Variants in NPEPPS observed in about 807,000 individuals in gnomAD.
NPEPPS encodes aminopeptidase puromycin sensitive, also known as puromycin-sensitive aminopeptidase.
NPEPPS carries 14 observed loss-of-function variants against 115.5 expected under a neutral mutation model. That is an observed-to-expected ratio of 0.12 (90% CI 0.08 to 0.19). NPEPPS has a LOEUF of 0.19. Among genes scored for constraint, NPEPPS ranks in the 10% least tolerant of loss-of-function variants. The probability of loss-of-function intolerance (pLI) is 1.00; values close to 1 mark genes in which losing one functional copy is unlikely to be tolerated. For missense variants in NPEPPS, 523 were observed against 1,110.8 expected (o/e 0.47, Z 7.52); for synonymous variants, 285 against 390.6 (o/e 0.73, Z 3.19).
chr17:47,525,125 A>G (rs1174671787), intron 1 of NPEPPS, among the ~76,000 whole-genome samples: 1 of 152,002 alleles, frequency 6.6e-6, no homozygotes, highest in Non-Finnish European at 1.5e-5. Flanking sequence ...AGAAGCCTGT[A>G]TGGAGCATAT....
At position 47,534,713 on chromosome 17, in the gene NPEPPS, T is replaced by C. The variant is rs1341561151; in HGVS notation, c.255+3158T>C. 2.0e-5 allele frequency among the ~76,000 whole-genome samples: 3 copies of C among 151,832 alleles called. No homozygotes were observed. The East Asian group carries it at 5.9e-4, about 30-fold the overall frequency. On this transcript the variant is annotated intron_variant, in intron 1 of 22. Coordinates refer to ENST00000322157, the MANE Select transcript of NPEPPS (RefSeq NM_006310.4). ...CCTCCTGGGTAGCTGGGACTACAGG[T>C]GTGTGCCATCACGCCCAACTAATTT...
chr17:47,555,306 A>G (rs1478609487), intron 2 of NPEPPS, among the ~76,000 whole-genome samples: 2 of 151,350 alleles, frequency 1.3e-5, no homozygotes, highest in Non-Finnish European at 1.5e-5. Flanking sequence ...TAGAGAAAAC[A>G]CTGATTGCAT....
intron 1 of NPEPPS, among the ~76,000 whole-genome samples, chr17:47,542,430 C>T (rs1908831242): frequency 6.6e-6 from 1 of 151,842 alleles, no homozygotes; most frequent in Non-Finnish European, 1.5e-5. Context: ...CCTGTAATCC[C>T]AGCTACTAGG....
Position 47,621,887 on chromosome 17 carries a change from C to T in NPEPPS, c.2727C>T (p.Leu909=). The T allele has an allele frequency of 1.2e-6, 2 of 1,613,520 alleles. No homozygotes were observed. The highest frequency in any genetic ancestry group is 8.5e-7 in the Non-Finnish European group (1 of 1,179,648). The part of the protein sequence containing the change: ...KRDAESIHQY[L]LQRKASPPTV Reference sequence around the variant, plus strand: ...ATGCTGAGAGCATCCACCAGTACCTCCTTCAGCGGAAGGCCTCACCACCCA... The same window carrying T: ...ATGCTGAGAGCATCCACCAGTACCTTCTTCAGCGGAAGGCCTCACCACCCA... Residue 909 remains leucine (L), a synonymous_variant, in exon 23 of 23, where the codon CTC becomes CTT. Coordinates refer to ENST00000322157, the MANE Select transcript of NPEPPS (RefSeq NM_006310.4).
At chr17:47,599,440 G>A (rs1274492444) in intron 13 of NPEPPS, among the ~76,000 whole-genome samples, 6 of 152,162 alleles carry the variant, frequency 3.9e-5, no homozygotes, top group Non-Finnish European at 8.8e-5. Flanking sequence ...GCATATTGTT[G>A]AAGTATTTTG....
upstream of NPEPPS, among the ~76,000 whole-genome samples, chr17:47,530,600 G>A (rs1351345649): frequency 6.7e-6 from 1 of 149,492 alleles, no homozygotes; most frequent in Non-Finnish European, 1.5e-5. Context: ...CTCGTGATCC[G>A]CCCGCCTCGG....
chr17:47,562,785 T>TAAAAAAAAA (rs3065310), intron 2 of NPEPPS, among the ~76,000 whole-genome samples: 1 of 146,354 alleles, frequency 6.8e-6, no homozygotes, highest in Non-Finnish European at 1.5e-5. Context: ...TAGTTAATTG[T>TAAAAAAAAA]AAAAAAAAAA....
At chr17:47,531,874 C>T (rs905037534) in intron 1 of NPEPPS, among the ~76,000 whole-genome samples, 1 of 152,174 alleles carries the variant, frequency 6.6e-6, no homozygotes, top group South Asian at 2.1e-4. Context: ...CTTTCCCCCC[C>T]GCCCCGGACC....
chr17:47,561,608 G>A (rs1268598441), intron 2 of NPEPPS, among the ~76,000 whole-genome samples: 2 of 152,116 alleles, frequency 1.3e-5, no homozygotes, highest in Non-Finnish European at 2.9e-5. Flanking sequence ...CTCAGAAGCA[G>A]GCTTCAGAAA....
At chr17:47,525,417 C>T (rs1907392638) in intron 1 of NPEPPS, among the ~76,000 whole-genome samples, 2 of 152,302 alleles carry the variant, frequency 1.3e-5, no homozygotes, top group Admixed American at 6.5e-5. Flanking sequence ...GATCTTGGCT[C>T]ACTGCAACCT....
chr17:47,557,670 G>T (rs1910140473), intron 2 of NPEPPS, among the ~76,000 whole-genome samples: 1 of 148,708 alleles, frequency 6.7e-6, no homozygotes, highest in African/African-American at 2.4e-5. Flanking sequence ...TGTTTGTTTT[G>T]GGGGAAATTC....
chr17:47,561,284 A>G (rs1328858589), intron 2 of NPEPPS, among the ~76,000 whole-genome samples: 1 of 149,700 alleles, frequency 6.7e-6, no homozygotes, highest in Non-Finnish European at 1.5e-5. Flanking sequence ...AGGCCGAGGC[A>G]CGAGGATTGC....
chr17:47,605,666 C>G lies in NPEPPS; in HGVS notation c.2095+114C>G, dbSNP rs904024683. 5 of 707,918 alleles carry G rather than the reference C, an allele frequency of 7.1e-6. No homozygotes were observed. In the South Asian group the frequency reaches 7.7e-5, roughly 11 times the overall value. The allele number at this position is 707,918 out of a possible 1,614,324, so 43.9% of individuals were successfully genotyped here. On this transcript the variant is annotated intron_variant, in intron 17 of 22. Coordinates refer to ENST00000322157, the MANE Select transcript of NPEPPS (RefSeq NM_006310.4). ...CTACTGGATGTTACTATATATTCAG[C>G]AAGCCAGAAATTAAGACGTGAGTCT...
intron 19 of NPEPPS, among the ~76,000 whole-genome samples, chr17:47,615,286 C>G (rs553884693): frequency 2.6e-5 from 4 of 152,116 alleles, no homozygotes; most frequent in Non-Finnish European, 4.4e-5. Flanking sequence ...CCATATTGGC[C>G]AGGCAGGCCT....
intron 5 of NPEPPS, among the ~76,000 whole-genome samples, chr17:47,585,242 T>C (rs1912115707): frequency 6.6e-6 from 1 of 152,214 alleles, no homozygotes; most frequent in Non-Finnish European, 1.5e-5. Context: ...TTGAGAAAAG[T>C]CCATTCCTCT....
chr17:47,588,165 T>G (rs1912301306), intron 9 of NPEPPS, among the ~76,000 whole-genome samples: 1 of 152,272 alleles, frequency 6.6e-6, no homozygotes, highest in Admixed American at 6.5e-5. Context: ...TTATCAACTA[T>G]TACGTGTCTC....
Position 47,614,158 on chromosome 17 carries a change from GA to G in NPEPPS, c.2295+434del, listed in dbSNP as rs1209760695. Among the ~76,000 whole-genome samples the G allele has an allele frequency of 2.6e-5, 4 of 151,958 alleles. No individual in the cohort carries two copies. The East Asian group carries it at 5.8e-4, about 22-fold the overall frequency. ...AGCTAATTTTTGTGTTTTTTGTAGA[GA>G]GAAGGTTTCACCATGCCCAGGCTGG... On this transcript the variant is annotated intron_variant, in intron 19 of 22. Coordinates refer to ENST00000322157, the MANE Select transcript of NPEPPS (RefSeq NM_006310.4).
intron 2 of NPEPPS, among the ~76,000 whole-genome samples, chr17:47,552,049 TGC>T (rs1448514901): frequency 7.7e-6 from 1 of 129,188 alleles, no homozygotes; most frequent in African/African-American, 2.7e-5. Context: ...CGTGGCTTAC[TGC>T]AGCCTCCTGG....
intron 2 of NPEPPS, among the ~76,000 whole-genome samples, chr17:47,549,626 A>G (rs1909487421): frequency 6.6e-6 from 1 of 151,390 alleles, no homozygotes. Flanking sequence ...CTAAAAACAC[A>G]AAAATTAGCT....
Sources: gnomAD v4.1 joint callset for allele counts (sites outside exome capture counted in the v4.1 genomes callset) on GRCh38, gnomAD v4.1.1 for gene constraint, MANE v1.5 for transcripts, NCBI Gene and HGNC (gene_info 2026-07-23, HGNC 2026-07-21) for gene names.